ARL17B: variants seen among roughly 807,000 people sequenced by gnomAD.
ARL17B encodes the protein ARF like GTPase 17B.
chr17:46,284,586 G>T (rs546155051), intron 4 of ARL17B, among the ~76,000 whole-genome samples: 190 of 152,276 alleles, frequency 1.2e-3, no homozygotes, highest in Middle Eastern at 3.4e-3. Context: ...CCCACAGTGT[G>T]GGGGGTGGAA....
chr17:46,294,033 T>G (rs1462846968), intron 4 of ARL17B: 1 of 87,594 alleles, frequency 1.1e-5, no homozygotes, highest in African/African-American at 3.0e-5. Flanking sequence ...ATTGCAGGTA[T>G]GCACCACCAC....
At chr17:46,291,764 A>G (rs1175107414) in intron 4 of ARL17B, among the ~76,000 whole-genome samples, 1 of 151,894 alleles carries the variant, frequency 6.6e-6, no homozygotes, top group Non-Finnish European at 1.5e-5. Flanking sequence ...GTCTCTACAA[A>G]AAAACAATGA....
intron 4 of ARL17B, among the ~76,000 whole-genome samples, chr17:46,276,143 G>A (rs1276666340): frequency 2.0e-5 from 3 of 152,282 alleles, no homozygotes; most frequent in African/African-American, 4.8e-5. Context: ...CGCCCGCCTC[G>A]GCCTCCCAAA....
chr17:46,277,040 A>G (rs1032632406), intron 4 of ARL17B, among the ~76,000 whole-genome samples: 1 of 152,190 alleles, frequency 6.6e-6, no homozygotes, highest in Non-Finnish European at 1.5e-5. Context: ...CCTGGGCTCA[A>G]GTGAGCTGCC....
At chr17:46,287,144 T>C (rs927307652) in intron 4 of ARL17B, among the ~76,000 whole-genome samples, 1 of 152,264 alleles carries the variant, frequency 6.6e-6, no homozygotes, top group East Asian at 1.9e-4. Flanking sequence ...TGATGCTCTA[T>C]CACATGTGCA....
intron 4 of ARL17B, among the ~76,000 whole-genome samples, chr17:46,285,457 G>T (rs2049881197): frequency 6.6e-6 from 1 of 151,848 alleles, no homozygotes; most frequent in African/African-American, 2.4e-5. Flanking sequence ...GGCCAGTCTG[G>T]TCTCAAACTC....
At chr17:46,355,833 GGGTTTCACCATGTT>G (rs1315233281) in intron 2 of ARL17B, among the ~76,000 whole-genome samples, 5,629 of 39,130 alleles carry the variant, frequency 0.14, 5 homozygotes, top group Non-Finnish European at 0.2. Flanking sequence ...AGTAGAGACG[GGGTTTCACCATGTT>G]GGCCAGGCTG....
At chr17:46,332,413 C>G, downstream of ARL17B, 1 of 366,024 alleles carries the variant, frequency 2.7e-6, no homozygotes, top group Non-Finnish European at 4.6e-6. Flanking sequence ...GATTGCACCA[C>G]GGTACCCAAG....
Position 46,292,230 on chromosome 17 carries a change from A to G in ARL17B, c.*21+7296T>C, listed in dbSNP as rs546608798. Among the ~76,000 whole-genome samples the G allele has an allele frequency of 2.6e-5, 2 of 76,194 alleles. 1 individual carries two copies. Among genetic ancestry groups the G allele is most frequent in the Non-Finnish European group, 7.8e-5 (2 of 25,576 alleles). 50.0% of individuals were successfully genotyped at this position (76,194 alleles called of 152,430 possible). A position where few individuals can be genotyped will look rare whatever the true frequency, so the allele number is the denominator to read the frequency against. ...ACCTGTAATCCCAGCTACTTGGGAA[A>G]CTGAGGCATGAAAACCACTTGAACC... On this transcript the variant is annotated intron_variant, in intron 4 of 4. Coordinates refer to the ARL17B transcript ENST00000570618.
chr17:46,304,860 CTTGT>C (rs1295057613), intron 3 of ARL17B, among the ~76,000 whole-genome samples: 7 of 59,742 alleles, frequency 1.2e-4, no homozygotes, highest in African/African-American at 2.3e-4. Context: ...AAATGTGAGA[CTTGT>C]TTGTTTGTTT....
chr17:46,288,706 C>CTTTTTTTTCT (rs2049986505), intron 4 of ARL17B, among the ~76,000 whole-genome samples: 1 of 139,058 alleles, frequency 7.2e-6, no homozygotes, highest in Non-Finnish European at 1.6e-5. Context: ...CTTGTTTTTT[C>CTTTTTTTTCT]TTTTTTTTTT....
chr17:46,351,757 G>A (rs964706333), intron 3 of ARL17B, among the ~76,000 whole-genome samples: 5 of 152,100 alleles, frequency 3.3e-5, no homozygotes, highest in African/African-American at 1.2e-4. Flanking sequence ...TGACGAATAT[G>A]TAAGTCTTTA....
At chr17:46,315,404 G>A (rs2051028471) in intron 3 of ARL17B, among the ~76,000 whole-genome samples, 1 of 132,898 alleles carries the variant, frequency 7.5e-6, no homozygotes, top group African/African-American at 2.8e-5. Flanking sequence ...GCACATGCCT[G>A]TAGTCACAGC....
At chr17:46,277,763 C>T (rs1336040558) in intron 4 of ARL17B, among the ~76,000 whole-genome samples, 1 of 151,958 alleles carries the variant, frequency 6.6e-6, no homozygotes, top group African/African-American at 2.4e-5. Context: ...TTTCCTGCCT[C>T]AGCCTCCCGA....
chr17:46,291,496 A>AGGCGCT lies in ARL17B; in HGVS notation c.*21+8029_*21+8030insAGCGCC, dbSNP rs1555613277. ...AACATGCTGTGTGTGAGGCAGTGAT[A>AGGCGCT]GGCTCCCTGCTGGAAGTTAAGGGTT... On this transcript the variant is annotated intron_variant, in intron 4 of 4. Coordinates refer to the ARL17B transcript ENST00000570618. Among the ~76,000 whole-genome samples, 415 of 151,180 alleles carry AGGCGCT rather than the reference A, an allele frequency of 2.7e-3. 3 individuals carry two copies. The highest frequency in any genetic ancestry group is 9.6e-3 in the African/African-American group (388 of 40,512).
At chr17:46,284,761 A>G (rs1466204230) in intron 4 of ARL17B, among the ~76,000 whole-genome samples, 1 of 152,272 alleles carries the variant, frequency 6.6e-6, no homozygotes, top group Non-Finnish European at 1.5e-5. Context: ...GTGATGTTAG[A>G]TAACATTCAA....
intron 4 of ARL17B, among the ~76,000 whole-genome samples, chr17:46,288,896 G>C (rs1362700803): frequency 6.6e-6 from 1 of 151,966 alleles, no homozygotes; most frequent in Non-Finnish European, 1.5e-5. Flanking sequence ...TTAGAGACAG[G>C]GTTTCACCAT....
intron 4 of ARL17B, among the ~76,000 whole-genome samples, chr17:46,291,804 A>C (rs1270303654): frequency 6.6e-6 from 1 of 151,754 alleles, no homozygotes; most frequent in Non-Finnish European, 1.5e-5. Context: ...AAACACCCCA[A>C]AATTAGCCAG....
chr17:46,286,573 A>G (rs1351862974), intron 4 of ARL17B, among the ~76,000 whole-genome samples: 1 of 152,230 alleles, frequency 6.6e-6, no homozygotes, highest in African/African-American at 2.4e-5. Context: ...CTACCATTAA[A>G]CCACATTTTC....
Sources: gnomAD v4.1 joint callset for allele counts (sites outside exome capture counted in the v4.1 genomes callset) on GRCh38, gnomAD v4.1.1 for gene constraint, MANE v1.5 for transcripts, NCBI Gene and HGNC (gene_info 2026-07-23, HGNC 2026-07-21) for gene names.